The following SPAG9 variants were observed in gnomAD, a reference collection of about 807,000 sequenced individuals.
SPAG9 encodes the protein sperm associated antigen 9.
SPAG9 carries 35 observed loss-of-function variants against 166.5 expected under a neutral mutation model. The ratio of observed to expected loss-of-function variants is 0.21; its 90% CI spans 0.16 to 0.28. SPAG9 has a LOEUF of 0.28. Among genes scored for constraint, SPAG9 ranks in the 10% least tolerant of loss-of-function variants. The pLI is 1.00. For synonymous variants in SPAG9, 534 were observed against 565.5 expected, an observed-to-expected ratio of 0.94 and a Z score of 0.79; for missense variants, 1,235 against 1,603.3, an observed-to-expected ratio of 0.77 and a Z score of 3.92.
intron 1 of SPAG9, among the ~76,000 whole-genome samples, chr17:51,117,325 T>G (rs1730883930): frequency 6.6e-6 from 1 of 152,190 alleles, no homozygotes; most frequent in African/African-American, 2.4e-5. Flanking sequence ...TTACTCTCTC[T>G]GGTGATGGAT....
At chr17:50,980,415 G>A (rs1974511106) in intron 25 of SPAG9, among the ~76,000 whole-genome samples, 1 of 151,854 alleles carries the variant, frequency 6.6e-6, no homozygotes, top group South Asian at 2.1e-4. Context: ...ATGTTGGCCA[G>A]GCTGGTCTCA....
intron 5 of SPAG9, among the ~76,000 whole-genome samples, chr17:51,036,405 A>G (rs548722900): frequency 6.6e-6 from 1 of 152,230 alleles, no homozygotes; most frequent in East Asian, 1.9e-4. Flanking sequence ...GACCCTGCTG[A>G]CATCTTCTTC....
Position 50,982,681 on chromosome 17 carries a change from A to T in SPAG9, c.3089-9T>A. 6.3e-7 allele frequency: 1 copy of T among 1,598,780 alleles called. No homozygotes were observed. The highest frequency in any genetic ancestry group is 8.5e-7 in the Non-Finnish European group (1 of 1,175,928). The stretch of plus-strand genomic sequence containing the variant: ...CAAATCCCACTGCCCATCTTTAAAA[A>T]AAATAAAAGGTTATAGTAAATACAT... On this transcript the variant is annotated splice_polypyrimidine_tract_variant and intron_variant, in intron 24 of 29. Coordinates refer to ENST00000262013, the MANE Select transcript of SPAG9 (RefSeq NM_001130528.3).
rs116385629 is a variant in SPAG9, at chr17:51,094,122, C to G, written c.304-14418G>C. Among the ~76,000 whole-genome samples the G allele has an allele frequency of 8.8e-3, 1,346 of 152,262 alleles. 17 individuals carry two copies. Among genetic ancestry groups the G allele is most frequent in the African/African-American group, 0.031 (1,306 of 41,558 alleles). On this transcript the variant is annotated intron_variant, in intron 1 of 29. Transcript: ENST00000262013. ...ACCAGCCACACCTCAAAGAGACTAT[C>G]CTTCTCTGGAAAAACTCAAGTGTCT...
At chr17:51,080,841 C>T (rs572493716) in intron 1 of SPAG9, among the ~76,000 whole-genome samples, 3 of 141,758 alleles carry the variant, frequency 2.1e-5, no homozygotes, top group Non-Finnish European at 3.0e-5. Context: ...GAGCCGAGAT[C>T]GCACCACTGC....
At position 50,966,344 on chromosome 17, in the gene SPAG9, T is replaced by G; in HGVS notation, c.3894A>C (p.Pro1298=). 2 of 1,613,950 alleles carry G rather than the reference T, an allele frequency of 1.2e-6. No homozygotes were observed. The highest frequency in any genetic ancestry group is 8.5e-7 in the Non-Finnish European group (1 of 1,179,834). ...CTGCTTTGGTGACAGAAGGTTCAAG[T>G]GGAAGATCCTCTCCAAGAAGTTCTG... The part of the protein sequence containing the change: ...GESELLGEDL[P]LEPSVTKAER... The change falls in exon 30 of 30, where the codon CCA becomes CCC. Residue 1298 remains proline, a synonymous_variant. Coordinates refer to ENST00000262013, the MANE Select transcript of SPAG9 (RefSeq NM_001130528.3).
At chr17:51,021,065 C>T in intron 7 of SPAG9, 93 bp downstream of exon 7, 1 of 1,017,892 alleles carries the variant, frequency 9.8e-7, no homozygotes, top group Non-Finnish European at 1.5e-6. Flanking sequence ...AAATACAAAG[C>T]AGGCAACACC....
At chr17:50,981,520 AGAT>A in intron 25 of SPAG9, among the ~76,000 whole-genome samples, 1 of 149,460 alleles carries the variant, frequency 6.7e-6, no homozygotes, top group Admixed American at 6.6e-5. Context: ...ATAGATAGAT[AGAT>A]AGATAGAAAG....
intron 9 of SPAG9, among the ~76,000 whole-genome samples, chr17:51,013,757 A>G (rs2045583816): frequency 6.6e-6 from 1 of 152,232 alleles, no homozygotes; most frequent in Admixed American, 6.5e-5. Flanking sequence ...TATTTACCAT[A>G]GGGCTAAAAC....
chr17:51,047,607 G>C, intron 3 of SPAG9, 138 bp from the exon 4 acceptor site: 1 of 381,022 alleles, frequency 2.6e-6, no homozygotes, highest in Non-Finnish European at 4.7e-6. Flanking sequence ...AGAATATTAA[G>C]GAATGAAAAA....
intron 28 of SPAG9, among the ~76,000 whole-genome samples, chr17:50,973,164 A>C (rs534780435): frequency 6.6e-6 from 1 of 152,360 alleles, no homozygotes; most frequent in Non-Finnish European, 1.5e-5. Context: ...CATACATATA[A>C]AACACAACAT....
At chr17:51,076,785 C>A (rs531355150) in intron 2 of SPAG9, among the ~76,000 whole-genome samples, 3 of 151,488 alleles carry the variant, frequency 2.0e-5, no homozygotes, top group Non-Finnish European at 4.4e-5. Flanking sequence ...CAGATATCAA[C>A]AAGAAAACTT....
In SPAG9 at chr17:50,963,889, T is replaced by C. The variant is rs1973227510; in HGVS notation, c.*2383A>G. On this transcript the variant is annotated 3_prime_UTR_variant, in exon 30 of 30. Coordinates refer to ENST00000262013, the MANE Select transcript of SPAG9 (RefSeq NM_001130528.3). ...CAAGCTATGGAAAAGTAGCCTACAT[T>C]TTGGTGCCCTGCAAAAAAGTGACTA... 6.6e-6 allele frequency: 1 copy of C among 152,240 alleles called. No individual in the cohort carries two copies. The highest frequency in any genetic ancestry group is 2.4e-5 in the African/African-American group (1 of 41,456). 9.4% of individuals were successfully genotyped at this position (152,240 alleles called of 1,614,324 possible). A position where few individuals can be genotyped will look rare whatever the true frequency, so the allele number is the denominator to read the frequency against.
At chr17:51,009,145 A>G (rs1350310428) in intron 9 of SPAG9, 2 of 453,592 alleles carry the variant, frequency 4.4e-6, no homozygotes, top group Non-Finnish European at 8.9e-6. Flanking sequence ...ATATTCCCCT[A>G]CGTAAGCAGC....
At chr17:50,967,842 C>T (rs1460098259) in intron 29 of SPAG9, among the ~76,000 whole-genome samples, 5 of 152,196 alleles carry the variant, frequency 3.3e-5, no homozygotes, top group Non-Finnish European at 7.3e-5. Context: ...AGTATATTCA[C>T]TATTAAAATT....
intron 2 of SPAG9, among the ~76,000 whole-genome samples, chr17:51,077,005 G>GCTAACTATCTAGCTAGCTATCTAGCTAT (rs201838131): frequency 1.1e-5 from 1 of 92,526 alleles, no homozygotes; most frequent in African/African-American, 4.7e-5. Context: ...TAGCTATCTA[G>GCTAACTATCTAGCTAGCTATCTAGCTAT]CTAGCTAGCT....
rs62063015 is a variant in SPAG9, at chr17:51,110,582, G to A, written c.303+9772C>T. 6.5e-3 allele frequency among the ~76,000 whole-genome samples: 982 copies of A among 152,172 alleles called. 7 individuals are homozygous for A. Among genetic ancestry groups the A allele is most frequent in the Non-Finnish European group, 0.01 (689 of 68,018 alleles). On this transcript the variant is annotated intron_variant, in intron 1 of 29. Coordinates refer to ENST00000262013, the MANE Select transcript of SPAG9 (RefSeq NM_001130528.3). ...TGTACACCTGTAGTCCCATCTACTT[G>A]GGAGGCTGAGACGGAAGGATGGCTT...
At chr17:50,999,947 T>C (rs1329469859) in intron 13 of SPAG9, among the ~76,000 whole-genome samples, 1 of 152,216 alleles carries the variant, frequency 6.6e-6, no homozygotes, top group Non-Finnish European at 1.5e-5. Flanking sequence ...AAGAGCTTAG[T>C]CTACCGACAG....
chr17:51,066,649 G>A (rs1402996390), intron 2 of SPAG9, among the ~76,000 whole-genome samples: 3 of 151,594 alleles, frequency 2.0e-5, no homozygotes, highest in Non-Finnish European at 2.9e-5. Context: ...GAGGTCAGGA[G>A]ATCGAGACCA....
Sources: allele counts gnomAD v4.1 joint callset (sites outside exome capture counted in the v4.1 genomes callset), GRCh38; gene constraint gnomAD v4.1.1; transcripts MANE v1.5; gene names NCBI Gene and HGNC (gene_info 2026-07-23, HGNC 2026-07-21).